Variants in SLC5A3 observed in about 807,000 individuals in gnomAD.
SLC5A3 encodes sodium/myo-inositol cotransporter.
SLC5A3 carries 10 observed loss-of-function variants against 43.2 expected under a neutral mutation model. The ratio of observed to expected loss-of-function variants is 0.23; its 90% CI spans 0.14 to 0.39. The LOEUF (loss-of-function observed/expected upper bound fraction) is 0.39. SLC5A3 is among the 10% of genes least tolerant of loss of function. The pLI, the probability that SLC5A3 is intolerant of heterozygous loss-of-function variation, is 1.00. For missense variants in SLC5A3, 608 were observed against 893.4 expected (o/e 0.68, Z 4.07); for synonymous variants, 349 against 322.0 (o/e 1.08, Z -0.90).
intron 1 of SLC5A3, among the ~76,000 whole-genome samples, chr21:34,091,904 TCATAACTA>T (rs929200666): frequency 6.5e-5 from 9 of 139,218 alleles, no homozygotes; most frequent in African/African-American, 2.4e-4. Context: ...TACATGCTTT[TCATAACTA>T]TACCTATTTT....
Position 34,102,018 on chromosome 21 carries a change from C to G in SLC5A3, c.*4663C>G. 19 of 1,000,082 alleles carry G rather than the reference C, an allele frequency of 1.9e-5. No individual in the cohort carries two copies. Among genetic ancestry groups the G allele is most frequent in the Non-Finnish European group, 2.3e-5 (19 of 829,920 alleles). 62.0% of individuals were successfully genotyped at this position (1,000,082 alleles called of 1,614,324 possible). A position where few individuals can be genotyped will look rare whatever the true frequency, so the allele number is the denominator to read the frequency against. On this transcript the variant is annotated 3_prime_UTR_variant, in exon 2 of 2. Transcript: ENST00000381151. ...GAATTAGTTGGCATATAGAGGAACCCTTTTGTACTGGAACGTATGAGGCTG... is the reference window on the plus strand; with the variant it reads ...GAATTAGTTGGCATATAGAGGAACCGTTTTGTACTGGAACGTATGAGGCTG...
chr21:34,100,001 G>A lies in SLC5A3; in HGVS notation c.*2646G>A, dbSNP rs1173510853. On this transcript the variant is annotated 3_prime_UTR_variant, in exon 2 of 2. Transcript: ENST00000381151. ...AATGATCATACATGGACTGTCTTAA[G>A]CTAGCAAAATGTTCATACTTTACAC... 1.4e-6 allele frequency: 1 copy of A among 718,084 alleles called. No individual in the cohort carries two copies. The highest frequency in any genetic ancestry group is 1.3e-4 in the East Asian group (1 of 7,474). The allele number at this position is 718,084 out of a possible 1,614,324, so 44.5% of individuals were successfully genotyped here.
At chr21:34,076,611 C>T (rs1444087806) in intron 1 of SLC5A3, among the ~76,000 whole-genome samples, 1 of 152,098 alleles carries the variant, frequency 6.6e-6, no homozygotes, top group Non-Finnish European at 1.5e-5. Flanking sequence ...TTTCAAGTAC[C>T]ATATAGCTTG....
Position 34,098,835 on chromosome 21 carries a change from C to T in SLC5A3, c.*1480C>T, listed in dbSNP as rs1233196905. The T allele has an allele frequency of 2.0e-6, 2 of 999,898 alleles. No individual in the cohort carries two copies. Among genetic ancestry groups the T allele is most frequent in the Non-Finnish European group, 2.4e-6 (2 of 829,636 alleles). The allele number at this position is 999,898 out of a possible 1,614,324, so 61.9% of individuals were successfully genotyped here. On this transcript the variant is annotated 3_prime_UTR_variant, in exon 2 of 2. Coordinates refer to ENST00000381151, the MANE Select transcript of SLC5A3 (RefSeq NM_006933.7). The stretch of plus-strand genomic sequence containing the variant: ...GTGTCTTCGTATGCTCAACACTGTC[C>T]TTTGTCCTCCATGAAAGATGAAGGA...
chr21:34,103,791 T>C lies in SLC5A3; in HGVS notation c.*6436T>C, dbSNP rs573670565. On this transcript the variant is annotated 3_prime_UTR_variant, in exon 2 of 2. Transcript: ENST00000381151. Reference sequence around the variant, plus strand: ...ATAATCTCAATAAGTTTGTACCACATTGATGGAGGGAGAGAATATAAATGT... The same window carrying C: ...ATAATCTCAATAAGTTTGTACCACACTGATGGAGGGAGAGAATATAAATGT... The C allele has an allele frequency of 9.0e-6, 9 of 999,996 alleles. No homozygotes were observed. The South Asian group carries it at 3.8e-4, about 42-fold the overall frequency. 61.9% of individuals were successfully genotyped at this position (999,996 alleles called of 1,614,324 possible). A position where few individuals can be genotyped will look rare whatever the true frequency, so the allele number is the denominator to read the frequency against.
rs148359008 is a variant in SLC5A3 at position 34,097,113 on chromosome 21, A to G, written c.1915A>G (p.Met639Val). The G allele has an allele frequency of 8.0e-5, 129 of 1,611,312 alleles. No individual in the cohort carries two copies. The highest frequency in any genetic ancestry group is 1.1e-4 in the Non-Finnish European group (124 of 1,177,586). Residue 639 changes from methionine (M) to valine (V), a missense_variant, in exon 2 of 2, where the codon ATG (methionine) becomes GTG (valine). This residue lies in a region of SLC5A3 where 210 missense variants were observed against 224.8 expected (regional missense o/e 0.93). Transcript: ENST00000381151. ...DAYSNGQAAL[M>V]GEKERKKETD... is the part of the protein sequence containing the mutation. ...TTACTCCAATGGGCAAGCAGCTCTC[A>G]TGGGTGAGAAAGAGAGAAAGAAAGA...
At position 34,099,131 on chromosome 21, in the gene SLC5A3, T is replaced by A; in HGVS notation, c.*1776T>A. On this transcript the variant is annotated 3_prime_UTR_variant, in exon 2 of 2. Coordinates refer to ENST00000381151, the MANE Select transcript of SLC5A3 (RefSeq NM_006933.7). ...CTTTCTGAAGGACTGAGTCTGTAAA[T>A]GAAAAAATAATTTATGTATGAATAG... is the stretch of plus-strand genomic sequence containing the variant. 1.0e-6 allele frequency: 1 copy of A among 999,616 alleles called. No homozygotes were observed. The highest frequency in any genetic ancestry group is 1.2e-6 in the Non-Finnish European group (1 of 829,742). The allele number at this position is 999,616 out of a possible 1,614,324, so 61.9% of individuals were successfully genotyped here.
In SLC5A3 at chr21:34,096,260, G is replaced by A; in HGVS notation, c.1062G>A (p.Leu354=). ...GCTCCAATATTGCTTACCCACGCCT[G>A]GTGATGAAGCTGGTTCCTGTGGGCC... The part of the protein sequence containing the change: ...AGCSNIAYPR[L]VMKLVPVGLR... Residue 354 remains leucine (L), a synonymous_variant, in exon 2 of 2, where the codon CTG becomes CTA. Coordinates refer to ENST00000381151, the MANE Select transcript of SLC5A3 (RefSeq NM_006933.7). The surrounding 1 kb of genome is among the most constrained non-coding windows in gnomAD (Gnocchi z 5.9). The A allele has an allele frequency of 6.2e-7, 1 of 1,614,128 alleles. No homozygotes were observed. The highest frequency in any genetic ancestry group is 8.5e-7 in the Non-Finnish European group (1 of 1,180,004).
chr21:34,099,847 C>G lies in SLC5A3; in HGVS notation c.*2492C>G, dbSNP rs1979154659. 2.0e-6 allele frequency: 1 copy of G among 507,566 alleles called. No homozygotes were observed. The highest frequency in any genetic ancestry group is 2.1e-5 in the African/African-American group (1 of 47,772). 31.4% of individuals were successfully genotyped at this position (507,566 alleles called of 1,614,324 possible). A position where few individuals can be genotyped will look rare whatever the true frequency, so the allele number is the denominator to read the frequency against. ...CATCATTTTATTTAGACTAAAGTCC[C>G]TGAAGCTTGTCTTTCTTATTGCTTC... On this transcript the variant is annotated 3_prime_UTR_variant, in exon 2 of 2. Coordinates refer to ENST00000381151, the MANE Select transcript of SLC5A3 (RefSeq NM_006933.7).
intron 1 of SLC5A3, among the ~76,000 whole-genome samples, chr21:34,079,231 A>G (rs1989403251): frequency 6.6e-6 from 1 of 152,210 alleles, no homozygotes; most frequent in African/African-American, 2.4e-5. Flanking sequence ...GAATTTCATA[A>G]AACTTTCACA....
Position 34,101,628 on chromosome 21 carries a change from A to C in SLC5A3, c.*4273A>C, listed in dbSNP as rs1429277582. On this transcript the variant is annotated 3_prime_UTR_variant, in exon 2 of 2. Coordinates refer to ENST00000381151, the MANE Select transcript of SLC5A3 (RefSeq NM_006933.7). Reference sequence around the variant, plus strand: ...GTCTTTTCAGCACTTAGCAAATTCAAATTTTGATTTTTTTGTCAGCTTAGT... The same window carrying C: ...GTCTTTTCAGCACTTAGCAAATTCACATTTTGATTTTTTTGTCAGCTTAGT... 2 of 1,000,012 alleles carry C rather than the reference A, an allele frequency of 2.0e-6. No individual in the cohort carries two copies. The highest frequency in any genetic ancestry group is 9.4e-5 in the South Asian group (2 of 21,288). 61.9% of individuals were successfully genotyped at this position (1,000,012 alleles called of 1,614,324 possible). A position where few individuals can be genotyped will look rare whatever the true frequency, so the allele number is the denominator to read the frequency against.
intron 1 of SLC5A3, among the ~76,000 whole-genome samples, chr21:34,085,278 T>G (rs1260712427): frequency 1.3e-5 from 2 of 152,176 alleles, no homozygotes; most frequent in African/African-American, 4.8e-5. Flanking sequence ...TTTTCATGAT[T>G]AGAGTTAGAT....
At position 34,105,987 on chromosome 21, in the gene SLC5A3, AGT is replaced by A. The variant is rs1489495862; in HGVS notation, c.*8635_*8636del. On this transcript the variant is annotated 3_prime_UTR_variant, in exon 2 of 2. Transcript: ENST00000381151. ...GATCTTGGTTTCATGTGTTTTTGAAAGTGTTATTGTTTAAAAAATGAAAAAAG... is the reference window on the plus strand; with the variant it reads ...GATCTTGGTTTCATGTGTTTTTGAAAGTTATTGTTTAAAAAATGAAAAAAG... The A allele has an allele frequency of 2.0e-6, 2 of 995,226 alleles. No homozygotes were observed. The highest frequency in any genetic ancestry group is 2.4e-6 in the Non-Finnish European group (2 of 825,352). 61.6% of individuals were successfully genotyped at this position (995,226 alleles called of 1,614,324 possible).
Position 34,099,987 on chromosome 21 carries a change from A to T in SLC5A3, c.*2632A>T, listed in dbSNP as rs1040535767. On this transcript the variant is annotated 3_prime_UTR_variant, in exon 2 of 2. Transcript: ENST00000381151. The stretch of plus-strand genomic sequence containing the variant: ...ATGATTGTTCCTGGAATGATCATAC[A>T]TGGACTGTCTTAAGCTAGCAAAATG... The T allele has an allele frequency of 1.8e-6, 1 of 561,826 alleles. No individual in the cohort carries two copies. The highest frequency in any genetic ancestry group is 2.3e-6 in the Non-Finnish European group (1 of 430,050). The allele number at this position is 561,826 out of a possible 1,614,324, so 34.8% of individuals were successfully genotyped here.
In SLC5A3 at chr21:34,096,980, C is replaced by T. The variant is rs1353144464; in HGVS notation, c.1782C>T (p.Ser594=). 1.9e-6 allele frequency: 3 copies of T among 1,613,896 alleles called. No individual in the cohort carries two copies. Among genetic ancestry groups the T allele is most frequent in the Non-Finnish European group, 2.5e-6 (3 of 1,179,940 alleles). The part of the protein sequence containing the change: ...HIIPNGKSED[S]IKGLQPEDVN... ...TTCCCAACGGGAAATCTGAAGACAG[C>T]ATTAAGGGCCTTCAGCCTGAAGATG... Residue 594 remains serine, a synonymous_variant, in exon 2 of 2, where the codon AGC becomes AGT. Coordinates refer to ENST00000381151, the MANE Select transcript of SLC5A3 (RefSeq NM_006933.7). This position sits in a 1 kb window ranked among gnomAD's most constrained non-coding sequence, Gnocchi z 5.9.
chr21:34,088,587 G>A (rs1172861147), intron 1 of SLC5A3, among the ~76,000 whole-genome samples: 1 of 152,116 alleles, frequency 6.6e-6, no homozygotes, highest in Non-Finnish European at 1.5e-5. Context: ...TATCAATATC[G>A]TTAATGTTTC....
At position 34,105,529 on chromosome 21, in the gene SLC5A3, A is replaced by G. The variant is rs879068919; in HGVS notation, c.*8174A>G. On this transcript the variant is annotated 3_prime_UTR_variant, in exon 2 of 2. Coordinates refer to ENST00000381151, the MANE Select transcript of SLC5A3 (RefSeq NM_006933.7). The stretch of plus-strand genomic sequence containing the variant: ...TTTTAAAAGATGTCTACATTGAAAC[A>G]TGTTCTTCCCAGTGTCCTGCTTATG... The G allele has an allele frequency of 5.0e-6, 5 of 999,700 alleles. No individual in the cohort carries two copies. The highest frequency in any genetic ancestry group is 6.0e-6 in the Non-Finnish European group (5 of 829,662). 61.9% of individuals were successfully genotyped at this position (999,700 alleles called of 1,614,324 possible). A position where few individuals can be genotyped will look rare whatever the true frequency, so the allele number is the denominator to read the frequency against.
At chr21:34,093,851 C>G (rs1003967248) in intron 1 of SLC5A3, among the ~76,000 whole-genome samples, 1 of 152,064 alleles carries the variant, frequency 6.6e-6, no homozygotes, top group Non-Finnish European at 1.5e-5. Context: ...TGAAAAATTC[C>G]TGATGGTCCT....
At position 34,097,551 on chromosome 21, in the gene SLC5A3, G is replaced by T; in HGVS notation, c.*196G>T. 1 of 1,376,806 alleles carries T rather than the reference G, an allele frequency of 7.3e-7. No individual in the cohort carries two copies. Among genetic ancestry groups the T allele is most frequent in the Admixed American group, 3.5e-5 (1 of 28,612 alleles). 85.3% of individuals were successfully genotyped at this position (1,376,806 alleles called of 1,614,324 possible). ...AAAGTAAATCTTCAACTTAAGTGAA[G>T]CCAAACCTAACAGACTGAATTGTGC... On this transcript the variant is annotated 3_prime_UTR_variant, in exon 2 of 2. Coordinates refer to ENST00000381151, the MANE Select transcript of SLC5A3 (RefSeq NM_006933.7).
Sources: gnomAD v4.1 joint callset for allele counts (sites outside exome capture counted in the v4.1 genomes callset) on GRCh38, gnomAD v4.1.1 for gene constraint, gnomAD v4.1.1 regional missense constraint, Gnocchi (gnomAD v3.1) non-coding constraint, MANE v1.5 for transcripts, NCBI Gene and HGNC (gene_info 2026-07-23, HGNC 2026-07-21) for gene names.